Variants in PCDHA7 observed in about 807,000 individuals in gnomAD.
PCDHA7 encodes protocadherin alpha-7.
PCDHA7 carries 37 observed loss-of-function variants against 57.2 expected under a neutral mutation model. The ratio of observed to expected loss-of-function variants is 0.65; its 90% CI spans 0.50 to 0.85. The LOEUF (loss-of-function observed/expected upper bound fraction) is 0.85, where lower values mean the gene tolerates loss of function less well. Among genes scored for constraint, PCDHA7 ranks in the 40% least tolerant of loss-of-function variants. The pLI is 0.00. For synonymous variants in PCDHA7, 553 were observed against 558.8 expected, an observed-to-expected ratio of 0.99 and a Z score of 0.15; for missense variants, 1,188 against 1,241.8, an observed-to-expected ratio of 0.96 and a Z score of 0.65.
At chr5:140,927,174 C>G (rs782406584) in intron 1 of PCDHA7, 2 of 1,614,186 alleles carry the variant, frequency 1.2e-6, no homozygotes, top group Non-Finnish European at 8.5e-7. Context: ...CTGCCTGCGT[C>G]TTGACCTACG....
chr5:140,877,120 A>G (rs782093528), intron 1 of PCDHA7: 4 of 1,613,684 alleles, frequency 2.5e-6, no homozygotes, highest in East Asian at 4.5e-5. Context: ...CAGCAACGTG[A>G]CGCTGCAGGT....
intron 3 of PCDHA7, among the ~76,000 whole-genome samples, chr5:141,001,133 A>G (rs2097993653): frequency 6.6e-6 from 1 of 152,034 alleles, no homozygotes; most frequent in Non-Finnish European, 1.5e-5. Flanking sequence ...AAACAAATGA[A>G]TCTTCTGTTG....
At chr5:140,967,511 G>T (rs1402187059) in intron 1 of PCDHA7, 2 of 1,612,876 alleles carry the variant, frequency 1.2e-6, no homozygotes, top group Non-Finnish European at 8.5e-7. Flanking sequence ...GCGTGTCCTG[G>T]ACACTAACGA....
At chr5:140,856,540 C>A (rs1554148838) in intron 1 of PCDHA7, 1 of 1,598,162 alleles carries the variant, frequency 6.3e-7, no homozygotes, top group African/African-American at 1.3e-5. Context: ...TTGGAGAGAA[C>A]GCATTGCTTA....
At chr5:140,989,996 A>G (rs1554251207) in intron 3 of PCDHA7, among the ~76,000 whole-genome samples, 1 of 152,144 alleles carries the variant, frequency 6.6e-6, no homozygotes, top group Non-Finnish European at 1.5e-5. Context: ...GAAATTGTCT[A>G]TCTCCAAGGG....
rs73263815 is a variant in PCDHA7, at chr5:140,853,554, A to T, written c.2355+16816A>T. ...TCTTTTCAAGTTGTAATTACTATAT[A>T]GGAAAAACTAAGTTGTCACCCAATA... On this transcript the variant is annotated intron_variant, in intron 1 of 3. Transcript: ENST00000525929. 9,092 of 979,494 alleles carry T rather than the reference A, an allele frequency of 9.3e-3. 1,045 individuals carry two copies. In the African/African-American group the frequency reaches 0.15, roughly 16 times the overall value. The allele number at this position is 979,494 out of a possible 1,614,324, so 60.7% of individuals were successfully genotyped here.
chr5:140,973,741 G>C (rs925905924), intron 1 of PCDHA7, among the ~76,000 whole-genome samples: 1 of 152,206 alleles, frequency 6.6e-6, no homozygotes, highest in Admixed American at 6.5e-5. Context: ...GTCTAACTCA[G>C]AACACTCTGC....
At chr5:140,976,894 CAGT>C (rs1199753516) in intron 1 of PCDHA7, among the ~76,000 whole-genome samples, 1 of 152,132 alleles carries the variant, frequency 6.6e-6, no homozygotes, top group African/African-American at 2.4e-5. Context: ...ATACATGCAA[CAGT>C]ATGTAATAAA....
At chr5:140,943,050 A>G (rs1450755005) in intron 1 of PCDHA7, among the ~76,000 whole-genome samples, 1 of 152,044 alleles carries the variant, frequency 6.6e-6, no homozygotes, top group African/African-American at 2.4e-5. Flanking sequence ...TGAGGTCAGG[A>G]GTTCAAGAAC....
rs2150437500 is a variant in PCDHA7, at chr5:140,849,439, C to A, written c.2355+12701C>A. ...CATATGGATTTTGAAGAAAGTAGAG[C>A]ACACAAGATCCCAGTCGAGGCTGTC... On this transcript the variant is annotated intron_variant, in intron 1 of 3. Transcript: ENST00000525929. 1.5e-5 allele frequency: 23 copies of A among 1,582,476 alleles called. 2 individuals carry two copies. In the African/African-American group the frequency reaches 2.8e-4, roughly 19 times the overall value.
chr5:140,840,412 A>G (rs1776685297), intron 1 of PCDHA7, among the ~76,000 whole-genome samples: 3 of 151,982 alleles, frequency 2.0e-5, no homozygotes, highest in Non-Finnish European at 4.4e-5. Flanking sequence ...GAATACTTCA[A>G]ATAATAGGCT....
intron 1 of PCDHA7, chr5:140,862,283 C>T (rs565843609): frequency 1.5e-5 from 4 of 263,874 alleles, no homozygotes; most frequent in African/African-American, 8.7e-5. Flanking sequence ...ATTCCCTGTA[C>T]AGGAGGACGC....
Position 140,840,718 on chromosome 5 carries a change from A to G in PCDHA7, c.2355+3980A>G, listed in dbSNP as rs2150309137. Among the ~76,000 whole-genome samples, 16 of 152,124 alleles carry G rather than the reference A, an allele frequency of 1.1e-4. 1 individual carries two copies. The South Asian group carries it at 3.3e-3, about 32-fold the overall frequency. On this transcript the variant is annotated intron_variant, in intron 1 of 3. Transcript: ENST00000525929. ...GTTCAGGCAATTTGACATTTATTGA[A>G]TAAAGAAAAGCAAAAATTTAACAAT...
rs1200077477 is a variant in PCDHA7, at chr5:140,898,429, C to T, written c.2355+61691C>T. 2.1e-3 allele frequency among the ~76,000 whole-genome samples: 312 copies of T among 150,132 alleles called. 2 individuals are homozygous for T. Among genetic ancestry groups the T allele is most frequent in the African/African-American group, 7.3e-3 (294 of 40,066 alleles). On this transcript the variant is annotated intron_variant, in intron 1 of 3. Coordinates refer to ENST00000525929, the MANE Select transcript of PCDHA7 (RefSeq NM_018910.3). ...ATACGGCTAGCCAGTTTTCCCAGCACCATTTATTAAATAGGGAATCCTTTC... is the reference window on the plus strand; with the variant it reads ...ATACGGCTAGCCAGTTTTCCCAGCATCATTTATTAAATAGGGAATCCTTTC...
intron 3 of PCDHA7, among the ~76,000 whole-genome samples, chr5:141,007,801 G>A (rs559830556): frequency 2.6e-5 from 4 of 152,148 alleles, no homozygotes; most frequent in African/African-American, 7.2e-5. Flanking sequence ...GCCTTTATCT[G>A]CCATTCATTT....
intron 1 of PCDHA7, among the ~76,000 whole-genome samples, chr5:140,904,088 TA>T (rs1486110849): frequency 9.8e-5 from 15 of 152,340 alleles, no homozygotes; most frequent in Admixed American, 2.6e-4. Flanking sequence ...GTTACATGAA[TA>T]ACTACTTTAG....
At chr5:140,982,092 G>A (rs984553109) in intron 2 of PCDHA7, among the ~76,000 whole-genome samples, 1 of 152,218 alleles carries the variant, frequency 6.6e-6, no homozygotes, top group African/African-American at 2.4e-5. Context: ...CTAGGAACAA[G>A]AGAACCTGCA....
chr5:140,850,279 G>C (rs140634296), intron 1 of PCDHA7: 2 of 1,595,566 alleles, frequency 1.3e-6, no homozygotes, highest in African/African-American at 1.3e-5. Context: ...GGGAAGGTGC[G>C]CGCAGTGGAC....
intron 1 of PCDHA7, chr5:140,928,975 T>C (rs2085693610): frequency 1.9e-6 from 3 of 1,613,806 alleles, no homozygotes; most frequent in African/African-American, 1.3e-5. Context: ...TTCCTTTTTA[T>C]TTCTGGGGTG....
Sources: allele counts gnomAD v4.1 joint callset (sites outside exome capture counted in the v4.1 genomes callset), GRCh38; gene constraint gnomAD v4.1.1; transcripts MANE v1.5; gene names NCBI Gene and HGNC (gene_info 2026-07-23, HGNC 2026-07-21).